Variants in GABRB2 observed in about 807,000 individuals in gnomAD.
GABRB2 encodes the protein gamma-aminobutyric acid receptor subunit beta-2.
In GABRB2, 16 loss-of-function variants were observed where a neutral mutation model predicts 54.7. The ratio of observed to expected loss-of-function variants is 0.29; its 90% CI spans 0.20 to 0.44. GABRB2 has a LOEUF of 0.44. GABRB2 is among the 20% of genes least tolerant of loss of function. GABRB2 has a pLI of 1.00. For missense variants in GABRB2, 355 were observed against 644.0 expected (o/e 0.55, Z 4.86); for synonymous variants, 244 against 233.8 (o/e 1.04, Z -0.40).
At chr5:161,439,158 AAAAC>A (rs1757390863) in intron 4 of GABRB2, among the ~76,000 whole-genome samples, 1 of 152,240 alleles carries the variant, frequency 6.6e-6, no homozygotes, top group Admixed American at 6.5e-5. Context: ...CATCAAGAGA[AAAAC>A]AAACAAATAA....
chr5:161,424,076 C>T (rs1024588153), intron 4 of GABRB2, among the ~76,000 whole-genome samples: 1 of 151,986 alleles, frequency 6.6e-6, no homozygotes, highest in African/African-American at 2.4e-5. Context: ...CTGCAGAAGG[C>T]AAGTTGGAAG....
At chr5:161,503,453 A>G (rs1047233947) in intron 3 of GABRB2, among the ~76,000 whole-genome samples, 2 of 152,196 alleles carry the variant, frequency 1.3e-5, no homozygotes, top group African/African-American at 4.8e-5. Context: ...ATCACATTAA[A>G]AGTAAAATGT....
At chr5:161,521,963 G>T (rs1760128451) in intron 3 of GABRB2, among the ~76,000 whole-genome samples, 2 of 151,850 alleles carry the variant, frequency 1.3e-5, no homozygotes, top group Admixed American at 6.6e-5. Context: ...AATCAGAGAA[G>T]ATTGAGTTGC....
At chr5:161,481,962 G>A (rs1672862922) in intron 3 of GABRB2, among the ~76,000 whole-genome samples, 1 of 151,910 alleles carries the variant, frequency 6.6e-6, no homozygotes, top group Admixed American at 6.6e-5. Flanking sequence ...ATTCCACTGA[G>A]AGCCCAATCC....
chr5:161,332,831 C>G (rs1368111780), intron 7 of GABRB2, among the ~76,000 whole-genome samples: 1 of 151,964 alleles, frequency 6.6e-6, no homozygotes, highest in Non-Finnish European at 1.5e-5. Flanking sequence ...TATACTCCAC[C>G]AAGAAACAGC....
intron 5 of GABRB2, among the ~76,000 whole-genome samples, chr5:161,394,610 T>G (rs947579815): frequency 2.6e-5 from 4 of 151,850 alleles, no homozygotes; most frequent in Middle Eastern, 3.4e-3. Context: ...TGGAAAAAAA[T>G]TATTGAGAAC....
At chr5:161,355,292 A>G (rs1342200581) in intron 5 of GABRB2, among the ~76,000 whole-genome samples, 1 of 148,510 alleles carries the variant, frequency 6.7e-6, no homozygotes, top group Non-Finnish European at 1.5e-5. Flanking sequence ...TAATATATAG[A>G]AAATATATGT....
intron 3 of GABRB2, among the ~76,000 whole-genome samples, chr5:161,510,932 T>C (rs1759748653): frequency 1.3e-5 from 2 of 152,002 alleles, no homozygotes; most frequent in Non-Finnish European, 2.9e-5. Flanking sequence ...TAGAGGCTCA[T>C]AATCACATTC....
chr5:161,394,476 G>C (rs1190134714), intron 5 of GABRB2, among the ~76,000 whole-genome samples: 1 of 151,906 alleles, frequency 6.6e-6, no homozygotes, highest in Non-Finnish European at 1.5e-5. Context: ...ATCAATGATA[G>C]AGAATACAAA....
intron 3 of GABRB2, among the ~76,000 whole-genome samples, chr5:161,515,620 T>C (rs1376260619): frequency 6.6e-6 from 1 of 152,212 alleles, no homozygotes; most frequent in Non-Finnish European, 1.5e-5. Flanking sequence ...ACGTATTATC[T>C]AAGCTTGTTA....
chr5:161,407,136 C>T (rs563283062), intron 5 of GABRB2, among the ~76,000 whole-genome samples: 1 of 152,036 alleles, frequency 6.6e-6, no homozygotes, highest in South Asian at 2.1e-4. Flanking sequence ...TTCACACGCC[C>T]TAAGTGGAAA....
intron 5 of GABRB2, among the ~76,000 whole-genome samples, chr5:161,352,012 A>C (rs1383587282): frequency 6.6e-6 from 1 of 152,100 alleles, no homozygotes; most frequent in Non-Finnish European, 1.5e-5. Context: ...ATATCACTTC[A>C]TGCCTGTTAG....
chr5:161,485,514 A>T (rs1202858195), intron 3 of GABRB2, among the ~76,000 whole-genome samples: 1 of 151,874 alleles, frequency 6.6e-6, no homozygotes, highest in East Asian at 1.9e-4. Flanking sequence ...CTCTGCCCTG[A>T]CCTCTACTGA....
chr5:161,312,689 A>T (rs925546038), intron 9 of GABRB2, among the ~76,000 whole-genome samples: 5 of 152,202 alleles, frequency 3.3e-5, no homozygotes, highest in Non-Finnish European at 5.9e-5. Context: ...AACCAGCAAG[A>T]TTTAAAGTTT....
chr5:161,466,808 T>A (rs1433871603), intron 3 of GABRB2, among the ~76,000 whole-genome samples: 1 of 152,080 alleles, frequency 6.6e-6, no homozygotes, highest in Non-Finnish European at 1.5e-5. Flanking sequence ...ATTTATATGG[T>A]TTCCAATATG....
intron 5 of GABRB2, among the ~76,000 whole-genome samples, chr5:161,402,363 T>C (rs1332318821): frequency 2.0e-5 from 3 of 152,118 alleles, no homozygotes; most frequent in Non-Finnish European, 4.4e-5. Flanking sequence ...CAGTTAAATA[T>C]TCATATGTGT....
intron 9 of GABRB2, among the ~76,000 whole-genome samples, chr5:161,312,843 T>A (rs1212084880): frequency 6.6e-6 from 1 of 152,050 alleles, no homozygotes; most frequent in East Asian, 1.9e-4. Flanking sequence ...TGAACCTCTC[T>A]ATAAAGTGCT....
chr5:161,544,001 A>G (rs1308010195), intron 3 of GABRB2, among the ~76,000 whole-genome samples: 2 of 152,188 alleles, frequency 1.3e-5, no homozygotes, highest in Admixed American at 1.3e-4. Context: ...CACAGTATTC[A>G]TTTGCTTCAG....
intron 5 of GABRB2, among the ~76,000 whole-genome samples, chr5:161,370,456 A>C (rs1755099036): frequency 6.6e-6 from 1 of 152,210 alleles, no homozygotes; most frequent in South Asian, 2.1e-4. Flanking sequence ...AAAAGTGAAC[A>C]GATCTACCGC....
Sources: gnomAD v4.1 joint callset for allele counts (sites outside exome capture counted in the v4.1 genomes callset) on GRCh38, gnomAD v4.1.1 for gene constraint, MANE v1.5 for transcripts, NCBI Gene and HGNC (gene_info 2026-07-23, HGNC 2026-07-21) for gene names.